The following L3MBTL4 variants were observed in gnomAD, a reference collection of about 807,000 sequenced individuals.
L3MBTL4 encodes the protein L3MBTL histone methyl-lysine binding protein 4.
In L3MBTL4, 70 loss-of-function variants were observed where a neutral mutation model predicts 84.5. That is an observed-to-expected ratio of 0.83 (90% CI 0.68 to 1.01). The LOEUF is 1.01. L3MBTL4 is among the 50% of genes least tolerant of loss of function. The pLI, the probability that L3MBTL4 is intolerant of heterozygous loss-of-function variation, is 0.00. For missense variants in L3MBTL4, 715 were observed against 754.8 expected, an observed-to-expected ratio of 0.95 and a Z score of 0.62; for synonymous variants, 274 against 259.8, an observed-to-expected ratio of 1.05 and a Z score of -0.52.
rs1016171206 is a variant in L3MBTL4, at chr18:6,410,308, T to C, written c.-91+4493A>G. Among the ~76,000 whole-genome samples, 5 of 152,258 alleles carry C rather than the reference T, an allele frequency of 3.3e-5. No individual in the cohort carries two copies. The East Asian group carries it at 9.6e-4, about 29-fold the overall frequency. On this transcript the variant is annotated intron_variant, in intron 1 of 18. Transcript: ENST00000317931. ...AGGCACCTTTTCTGGCCCACAAATC[T>C]GCATTACGCACTCACGTGGGTCTTC...
chr18:6,312,797 T>C (rs1242326148), intron 1 of L3MBTL4, among the ~76,000 whole-genome samples: 1 of 152,234 alleles, frequency 6.6e-6, no homozygotes, highest in Admixed American at 6.5e-5. Flanking sequence ...CTTCTTCCTC[T>C]ACTCCTATTA....
intron 13 of L3MBTL4, among the ~76,000 whole-genome samples, chr18:6,160,600 C>T (rs527364676): frequency 6.6e-5 from 10 of 151,898 alleles, no homozygotes; most frequent in South Asian, 6.2e-4. Flanking sequence ...GGCTTGGTGG[C>T]GGGGTCTGTA....
intron 16 of L3MBTL4, among the ~76,000 whole-genome samples, chr18:6,065,448 A>T (rs1298990238): frequency 6.6e-6 from 1 of 152,070 alleles, no homozygotes; most frequent in Non-Finnish European, 1.5e-5. Flanking sequence ...AATGTTTGGT[A>T]GACTTCAGCT....
intron 13 of L3MBTL4, among the ~76,000 whole-genome samples, chr18:6,160,429 C>T (rs1195277783): frequency 2.0e-5 from 3 of 152,098 alleles, no homozygotes; most frequent in Non-Finnish European, 4.4e-5. Context: ...GGTCATGGAA[C>T]TCATCCAAAC....
intron 16 of L3MBTL4, among the ~76,000 whole-genome samples, chr18:6,008,269 A>C (rs1312991060): frequency 1.3e-5 from 2 of 152,174 alleles, no homozygotes; most frequent in Non-Finnish European, 2.9e-5. Context: ...CTTCCTCTGC[A>C]GGAAGGCTGT....
chr18:6,284,260 G>A (rs1287121696), intron 4 of L3MBTL4, among the ~76,000 whole-genome samples: 2 of 152,116 alleles, frequency 1.3e-5, no homozygotes, highest in Admixed American at 6.5e-5. Flanking sequence ...GTGCTTACAC[G>A]CTGAAATAAC....
chr18:6,351,503 TA>T, intron 1 of L3MBTL4, among the ~76,000 whole-genome samples: 1 of 152,186 alleles, frequency 6.6e-6, no homozygotes, highest in Non-Finnish European at 1.5e-5. Context: ...TGAAAATGGT[TA>T]AGTAAATTTT....
At chr18:6,184,224 T>A (rs753517102) in intron 12 of L3MBTL4, among the ~76,000 whole-genome samples, 1 of 152,226 alleles carries the variant, frequency 6.6e-6, no homozygotes, top group Non-Finnish European at 1.5e-5. Flanking sequence ...ATTGGTCATA[T>A]AAATAATTTC....
At chr18:6,006,269 G>C (rs1478803527) in intron 16 of L3MBTL4, among the ~76,000 whole-genome samples, 1 of 152,150 alleles carries the variant, frequency 6.6e-6, no homozygotes, top group Non-Finnish European at 1.5e-5. Flanking sequence ...AAAGGGGACA[G>C]AACAGTTCAA....
chr18:5,981,277 G>A (rs2053198472), intron 16 of L3MBTL4, among the ~76,000 whole-genome samples: 1 of 152,102 alleles, frequency 6.6e-6, no homozygotes, highest in Admixed American at 6.5e-5. Flanking sequence ...GAAGAAATGA[G>A]TATTCTTACT....
intron 1 of L3MBTL4, among the ~76,000 whole-genome samples, chr18:6,356,128 T>C (rs2053435079): frequency 1.3e-5 from 2 of 152,250 alleles, no homozygotes; most frequent in African/African-American, 4.8e-5. Flanking sequence ...GCTTTCTGTG[T>C]CTGTACCTTT....
chr18:6,050,301 G>C (rs1377288329), intron 16 of L3MBTL4, among the ~76,000 whole-genome samples: 1 of 152,126 alleles, frequency 6.6e-6, no homozygotes, highest in Non-Finnish European at 1.5e-5. Context: ...TCTCCCACAC[G>C]ATGTCAGGGA....
intron 12 of L3MBTL4, among the ~76,000 whole-genome samples, chr18:6,202,075 C>T (rs1599129606): frequency 1.3e-5 from 2 of 152,294 alleles, no homozygotes; most frequent in African/African-American, 4.8e-5. Context: ...CAACTGTTCA[C>T]ACCACATTCA....
chr18:6,031,132 G>T (rs562699080), intron 16 of L3MBTL4: 43 of 985,322 alleles, frequency 4.4e-5, no homozygotes, highest in Non-Finnish European at 5.2e-5. Context: ...CGTGATCCAA[G>T]TTCTAAACCC....
intron 1 of L3MBTL4, chr18:6,374,328 G>A (rs567547880): frequency 5.0e-4 from 78 of 154,590 alleles, no homozygotes; most frequent in Non-Finnish European, 2.5e-4. Context: ...GGTTAACACC[G>A]GCAAAGGGCT....
intron 13 of L3MBTL4, among the ~76,000 whole-genome samples, chr18:6,139,799 G>A (rs565254716): frequency 3.3e-5 from 5 of 152,226 alleles, no homozygotes; most frequent in Middle Eastern, 6.8e-3. Flanking sequence ...GTCAGGGACC[G>A]TCTTCCTCTC....
chr18:6,080,412 C>T (rs546422844), intron 16 of L3MBTL4, among the ~76,000 whole-genome samples: 4 of 152,330 alleles, frequency 2.6e-5, no homozygotes, highest in African/African-American at 9.6e-5. Context: ...AGAACACATG[C>T]AATTCTTCTT....
chr18:5,975,421 C>T (rs1190253442), intron 16 of L3MBTL4, among the ~76,000 whole-genome samples: 2 of 152,128 alleles, frequency 1.3e-5, no homozygotes, highest in African/African-American at 2.4e-5. Context: ...TGACAGTCAC[C>T]GACCAAGTCC....
chr18:6,256,519 C>T (rs1392695167), intron 5 of L3MBTL4, among the ~76,000 whole-genome samples: 1 of 151,128 alleles, frequency 6.6e-6, no homozygotes, highest in Non-Finnish European at 1.5e-5. Context: ...CTTTTCAGGA[C>T]ATAAAGTCTT....
Sources: gnomAD v4.1 joint callset for allele counts (sites outside exome capture counted in the v4.1 genomes callset) on GRCh38, gnomAD v4.1.1 for gene constraint, MANE v1.5 for transcripts, NCBI Gene and HGNC (gene_info 2026-07-23, HGNC 2026-07-21) for gene names.